Variants in HHAT observed in about 807,000 individuals in gnomAD.
HHAT encodes the protein hedgehog acyltransferase.
HHAT carries 47 observed loss-of-function variants against 70.8 expected under a neutral mutation model. The ratio of observed to expected loss-of-function variants is 0.66; its 90% CI spans 0.53 to 0.85. The LOEUF (loss-of-function observed/expected upper bound fraction) is 0.85, where lower values mean the gene tolerates loss of function less well. HHAT is among the 40% of genes least tolerant of loss of function. HHAT has a pLI of 0.00. For missense variants in HHAT, 609 were observed against 604.8 expected (o/e 1.01, Z -0.07); for synonymous variants, 228 against 247.6 (o/e 0.92, Z 0.74).
At chr1:210,417,760 A>G (rs2092767298) in intron 6 of HHAT, among the ~76,000 whole-genome samples, 1 of 152,088 alleles carries the variant, frequency 6.6e-6, no homozygotes, top group African/African-American at 2.4e-5. Context: ...AGCCTCAGAC[A>G]TGAGTAGGTG....
At chr1:210,484,402 G>A (rs1455851859) in intron 8 of HHAT, among the ~76,000 whole-genome samples, 1 of 152,012 alleles carries the variant, frequency 6.6e-6, no homozygotes, top group Admixed American at 6.6e-5. Context: ...CATCTGGAGG[G>A]ACACCATGTC....
intron 10 of HHAT, among the ~76,000 whole-genome samples, chr1:210,610,096 T>C (rs1666281981): frequency 6.6e-6 from 1 of 152,224 alleles, no homozygotes; most frequent in East Asian, 1.9e-4. Context: ...CACAGTGTCT[T>C]CCACAATGGT....
At chr1:210,403,518 G>T (rs1238997638) in intron 5 of HHAT, among the ~76,000 whole-genome samples, 1 of 152,190 alleles carries the variant, frequency 6.6e-6, no homozygotes, top group Non-Finnish European at 1.5e-5. Context: ...TTTTGCACAT[G>T]TGGTTCTCCT....
At chr1:210,409,634 G>T (rs2148234466) in intron 6 of HHAT, among the ~76,000 whole-genome samples, 1 of 152,296 alleles carries the variant, frequency 6.6e-6, no homozygotes, top group Admixed American at 6.5e-5. Flanking sequence ...TGGCCCAGTT[G>T]AATATCTGCC....
intron 1 of HHAT, among the ~76,000 whole-genome samples, chr1:210,340,166 C>T (rs1172515230): frequency 1.4e-5 from 2 of 146,524 alleles, no homozygotes; most frequent in East Asian, 2.0e-4. Flanking sequence ...ATGGCAAAAC[C>T]CAGTCTCTAC....
intron 9 of HHAT, among the ~76,000 whole-genome samples, chr1:210,522,064 T>C (rs2095167110): frequency 6.6e-6 from 1 of 152,250 alleles, no homozygotes; most frequent in Admixed American, 6.5e-5. Flanking sequence ...AAACTTTGTA[T>C]TTTGTAAGTG....
chr1:210,611,363 T>C (rs6672779), intron 10 of HHAT, among the ~76,000 whole-genome samples: 2,869 of 152,262 alleles, frequency 0.019, 90 homozygotes, highest in African/African-American at 0.065. Flanking sequence ...GATTTTTATA[T>C]GCTGAGACTT....
chr1:210,432,109 G>A (rs1170009546), intron 7 of HHAT, among the ~76,000 whole-genome samples: 1 of 151,754 alleles, frequency 6.6e-6, no homozygotes, highest in Non-Finnish European at 1.5e-5. Flanking sequence ...GGTATCTGTA[G>A]GGGTTCTGGG....
At chr1:210,460,862 A>G (rs527605166) in intron 7 of HHAT, among the ~76,000 whole-genome samples, 10 of 152,272 alleles carry the variant, frequency 6.6e-5, no homozygotes, top group Admixed American at 3.9e-4. Context: ...CCTCTAGTCT[A>G]TTTCTCATAG....
intron 3 of HHAT, among the ~76,000 whole-genome samples, chr1:210,371,287 T>G (rs2089549946): frequency 6.6e-6 from 1 of 152,220 alleles, no homozygotes; most frequent in African/African-American, 2.4e-5. Context: ...AAGCAGGGCC[T>G]ACAGGCATGT....
chr1:210,540,514 C>CAG (rs2095419143), intron 9 of HHAT, among the ~76,000 whole-genome samples: 1 of 105,934 alleles, frequency 9.4e-6, no homozygotes, highest in Admixed American at 9.8e-5. Context: ...CACACACACA[C>CAG]AAACACACGC....
chr1:210,538,849 G>A (rs1181094079), intron 9 of HHAT, among the ~76,000 whole-genome samples: 1 of 152,204 alleles, frequency 6.6e-6, no homozygotes, highest in African/African-American at 2.4e-5. Context: ...GGCCGAGGCA[G>A]GTGAATCACC....
At chr1:210,408,411 G>A (rs1029637354) in intron 6 of HHAT, among the ~76,000 whole-genome samples, 1 of 152,136 alleles carries the variant, frequency 6.6e-6, no homozygotes, top group Non-Finnish European at 1.5e-5. Context: ...TTGAACTCCC[G>A]ACCTCAGGTG....
intron 7 of HHAT, among the ~76,000 whole-genome samples, chr1:210,459,654 A>T (rs944035859): frequency 2.0e-5 from 3 of 152,174 alleles, no homozygotes; most frequent in African/African-American, 7.2e-5. Context: ...TCTCATTTGG[A>T]TGAAGACCAC....
chr1:210,471,802 T>C (rs2094209927), intron 8 of HHAT, among the ~76,000 whole-genome samples: 1 of 152,228 alleles, frequency 6.6e-6, no homozygotes, highest in Non-Finnish European at 1.5e-5. Context: ...AAAAAGTAAC[T>C]GTTTTCCAAT....
intron 1 of HHAT, among the ~76,000 whole-genome samples, chr1:210,331,868 G>A (rs966090953): frequency 1.3e-5 from 2 of 152,082 alleles, no homozygotes; most frequent in African/African-American, 4.8e-5. Flanking sequence ...CCCCTTCTAT[G>A]AAATGTGCTG....
chr1:210,580,904 A>G (rs539892367), intron 9 of HHAT, among the ~76,000 whole-genome samples: 10 of 152,308 alleles, frequency 6.6e-5, no homozygotes, highest in African/African-American at 1.9e-4. Context: ...TTGCCATACT[A>G]TCTTCCACGA....
chr1:210,482,012 G>A (rs924504561), intron 8 of HHAT, among the ~76,000 whole-genome samples: 1 of 152,192 alleles, frequency 6.6e-6, no homozygotes, highest in African/African-American at 2.4e-5. Flanking sequence ...GGAGACGAGG[G>A]TGGGGGAGTG....
chr1:210,353,807 G>A (rs2147991190), intron 2 of HHAT, among the ~76,000 whole-genome samples: 1 of 151,182 alleles, frequency 6.6e-6, no homozygotes, highest in Non-Finnish European at 1.5e-5. Flanking sequence ...GTTTCTTTTT[G>A]TTTTCTAACT....
Sources: allele counts gnomAD v4.1 joint callset (sites outside exome capture counted in the v4.1 genomes callset), GRCh38; gene constraint gnomAD v4.1.1; transcripts MANE v1.5; gene names NCBI Gene and HGNC (gene_info 2026-07-23, HGNC 2026-07-21).